SMARCA1: variants seen among roughly 807,000 people sequenced by gnomAD.
The protein encoded by SMARCA1 is SNF2 related chromatin remodeling ATPase 1, also known as SWI/SNF-related matrix-associated actin-dependent regulator of chromatin subfamily A member 1.
In SMARCA1, 17 loss-of-function variants were observed where a neutral mutation model predicts 93.6. The observed-to-expected ratio is 0.18, with a 90% confidence interval of 0.12 to 0.27. The LOEUF (loss-of-function observed/expected upper bound fraction) is 0.27. Among genes scored for constraint, SMARCA1 ranks in the 10% least tolerant of loss-of-function variants. SMARCA1 has a pLI of 1.00. For synonymous variants in SMARCA1, 271 were observed against 271.4 expected, an observed-to-expected ratio of 1.00 and a Z score of 0.01; for missense variants, 630 against 819.0, an observed-to-expected ratio of 0.77 and a Z score of 2.82.
intron 11 of SMARCA1, among the ~76,000 whole-genome samples, chrX:129,497,598 A>T (rs1420963046): frequency 9.0e-6 from 1 of 111,382 alleles, no homozygotes. Context: ...CCAGTTTCTC[A>T]ACATATCATA....
At chrX:129,499,348 T>G (rs1934461855) in intron 10 of SMARCA1, among the ~76,000 whole-genome samples, 1 of 110,718 alleles carries the variant, frequency 9.0e-6, no homozygotes, top group Non-Finnish European at 1.9e-5. Flanking sequence ...GGCCAAAGAA[T>G]GCTTTTAAAG....
At chrX:129,497,005 A>G in intron 11 of SMARCA1, 134 bp from the exon 12 acceptor site, 1 of 428,739 alleles carries the variant, frequency 2.3e-6, no homozygotes, top group Non-Finnish European at 4.0e-6. Flanking sequence ...ACGTGCACAC[A>G]CACACACACA....
Position 129,471,189 on chromosome X carries a change from T to C in SMARCA1, c.2565+15A>G, listed in dbSNP as rs761084049. The C allele has an allele frequency of 1.3e-5, 15 of 1,172,519 alleles. No individual in the cohort carries two copies. The highest frequency in any genetic ancestry group is 2.4e-5 in the Admixed American group (1 of 40,977). ...TGATTGACTGTAAGTATTACAGCCA[T>C]TGAAAATATTTTACTTGTGTGAGAA... On this transcript the variant is annotated intron_variant, in intron 20 of 24. Coordinates refer to ENST00000371121, the MANE Select transcript of SMARCA1 (RefSeq NM_001282874.2).
intron 23 of SMARCA1, among the ~76,000 whole-genome samples, chrX:129,455,081 T>G (rs1393791576): frequency 9.0e-6 from 1 of 111,400 alleles, no homozygotes; most frequent in Non-Finnish European, 1.9e-5. Flanking sequence ...GAAATACCAT[T>G]GAACCCAGCA....
chrX:129,513,290 C>T (rs917745315), intron 5 of SMARCA1, among the ~76,000 whole-genome samples: 2 of 109,583 alleles, frequency 1.8e-5, no homozygotes, highest in African/African-American at 6.6e-5. Context: ...TTTGGGAGAC[C>T]GAGGCAGATG....
chrX:129,459,861 T>C (rs1037599210), intron 23 of SMARCA1, among the ~76,000 whole-genome samples: 8 of 111,800 alleles, frequency 7.2e-5, no homozygotes, highest in Non-Finnish European at 1.5e-4. Context: ...CAACTATTAA[T>C]AATTGTGGCC....
At chrX:129,467,370 C>T (rs1486008050) in intron 21 of SMARCA1, among the ~76,000 whole-genome samples, 2 of 111,308 alleles carry the variant, frequency 1.8e-5, no homozygotes, top group South Asian at 3.8e-4. Context: ...ATGTTATCTC[C>T]CTGCCTATCT....
intron 6 of SMARCA1, among the ~76,000 whole-genome samples, chrX:129,511,228 A>C (rs1444317064): frequency 9.0e-6 from 1 of 111,555 alleles, no homozygotes; most frequent in Non-Finnish European, 1.9e-5. Context: ...CCCAGTTTCT[A>C]ATATTACCTG....
chrX:129,481,183 A>C lies in SMARCA1; in HGVS notation c.2220T>G (p.Leu740=). 2 of 1,159,274 alleles carry C rather than the reference A, an allele frequency of 1.7e-6. No homozygotes were observed. Among genetic ancestry groups the C allele is most frequent in the Non-Finnish European group, 2.4e-6 (2 of 849,427 alleles). ...GAGGTTCAATCCATTCCACCATGCC[A>C]AGCTATACACAACAAACAACAACAA... ...EGEDYREKQK[L]GMVEWIEPPK... Residue 740 remains leucine (L), a splice_region_variant and synonymous_variant, in exon 18 of 25, where the codon CTT becomes CTG. Transcript: ENST00000371121.
intron 23 of SMARCA1, among the ~76,000 whole-genome samples, chrX:129,452,006 AT>A (rs1283764138): frequency 8.9e-6 from 1 of 111,853 alleles, no homozygotes; most frequent in Non-Finnish European, 1.9e-5. Context: ...CCCAGCCTCC[AT>A]TTTTTTATTC....
intron 9 of SMARCA1, among the ~76,000 whole-genome samples, 152 bp downstream of exon 9, chrX:129,504,566 AAAAAAAAAAAAAAAAC>A (rs1375259039): frequency 9.2e-5 from 9 of 97,501 alleles, no homozygotes; most frequent in East Asian, 3.1e-4. Context: ...AAAAAAAAAA[AAAAAAAAAAAAAAAAC>A]AAAGAGGCTG....
At chrX:129,480,449 A>C (rs1333024604) in intron 19 of SMARCA1, among the ~76,000 whole-genome samples, 1 of 112,398 alleles carries the variant, frequency 8.9e-6, no homozygotes, top group African/African-American at 3.2e-5. Context: ...GGCATTATAA[A>C]AATAATGTTA....
chrX:129,454,133 C>T (rs1932462435), intron 23 of SMARCA1, among the ~76,000 whole-genome samples: 1 of 111,486 alleles, frequency 9.0e-6, no homozygotes, highest in Non-Finnish European at 1.9e-5. Context: ...TCAGAAATAA[C>T]ACCACACATC....
chrX:129,499,844 A>G lies in SMARCA1; in HGVS notation c.1168-3T>C, dbSNP rs1934484605. On this transcript the variant is annotated splice_polypyrimidine_tract_variant and splice_region_variant and intron_variant, in intron 9 of 24. Coordinates refer to ENST00000371121, the MANE Select transcript of SMARCA1 (RefSeq NM_001282874.2). ...CGTAACAAAAATGGTTTTAAAACCT[A>G]AAAGGTGATCATTTTTATAAAAGTT... 6.5e-6 allele frequency: 6 copies of G among 916,472 alleles called. No homozygotes were observed. The highest frequency in any genetic ancestry group is 9.4e-6 in the Non-Finnish European group (6 of 640,070). The allele number at this position is 916,472 out of a possible 1,213,427, so 75.5% of individuals were successfully genotyped here. A position where few individuals can be genotyped will look rare whatever the true frequency, so the allele number is the denominator to read the frequency against.
intron 23 of SMARCA1, among the ~76,000 whole-genome samples, chrX:129,463,096 T>TA (rs1288612293): frequency 9.0e-6 from 1 of 111,707 alleles, no homozygotes; most frequent in African/African-American, 3.3e-5. Flanking sequence ...CTCAACCTTT[T>TA]AAAAAATTAG....
intron 17 of SMARCA1, 101 bp downstream of exon 17, chrX:129,486,917 T>G (rs981232734): frequency 1.1e-5 from 7 of 640,292 alleles, no homozygotes; most frequent in Admixed American, 5.8e-5. Flanking sequence ...AATTTCACTC[T>G]AGAGCAGGGT....
Position 129,515,741 on chromosome X carries a change from A to G in SMARCA1, c.576T>C (p.Asn192=). Residue 192 remains asparagine, a synonymous_variant, in exon 5 of 25, where the codon AAT becomes AAC. Transcript: ENST00000371121. ...PLRDYQIRGL[N]WLISLYENGV... ...CATTTTCATATAAAGAGATCAACCA[A>G]TTCAGTCCTCGAATCTGATAATCTC... The G allele has an allele frequency of 8.3e-7, 1 of 1,207,396 alleles. No homozygotes were observed. The highest frequency in any genetic ancestry group is 1.1e-6 in the Non-Finnish European group (1 of 891,638).
intron 19 of SMARCA1, among the ~76,000 whole-genome samples, chrX:129,475,963 T>C (rs1933363652): frequency 8.9e-6 from 1 of 112,560 alleles, no homozygotes; most frequent in Non-Finnish European, 1.9e-5. Flanking sequence ...AATGTTTATA[T>C]TTGTCCCTAA....
At chrX:129,516,303 G>C (rs1360422847) in intron 3 of SMARCA1, 28 bp downstream of exon 3, 1 of 1,187,641 alleles carries the variant, frequency 8.4e-7, no homozygotes, top group Admixed American at 2.2e-5. Context: ...AGAAAGGAAA[G>C]AAAGTAGAGA....
Sources: allele counts gnomAD v4.1 joint callset (sites outside exome capture counted in the v4.1 genomes callset), GRCh38; gene constraint gnomAD v4.1.1; transcripts MANE v1.5; gene names NCBI Gene and HGNC (gene_info 2026-07-23, HGNC 2026-07-21).